The following GRIA1 variants were observed in gnomAD, a reference collection of about 807,000 sequenced individuals.
GRIA1 encodes glutamate ionotropic receptor AMPA type subunit 1.
A neutral mutation model predicts 99.2 loss-of-function variants in GRIA1; 31 were observed. The ratio of observed to expected loss-of-function variants is 0.31; its 90% CI spans 0.23 to 0.42. GRIA1 has a LOEUF of 0.42. Among genes scored for constraint, GRIA1 ranks in the 10% least tolerant of loss-of-function variants. The pLI, the probability that GRIA1 is intolerant of heterozygous loss-of-function variation, is 1.00. For synonymous variants in GRIA1, 438 were observed against 432.4 expected, an observed-to-expected ratio of 1.01 and a Z score of -0.16; for missense variants, 782 against 1,157.5, an observed-to-expected ratio of 0.68 and a Z score of 4.71.
Position 153,792,212 on chromosome 5 carries a change from G to A in GRIA1, c.2271-2409G>A, listed in dbSNP as rs188271687. ...GTTGGACCTGATTGTGAGATCATGA[G>A]CCCATCAATGTAGGATATAAATTCC... On this transcript the variant is annotated intron_variant, in intron 13 of 15. Coordinates refer to ENST00000285900, the MANE Select transcript of GRIA1 (RefSeq NM_000827.4). Among the ~76,000 whole-genome samples, 3 of 152,282 alleles carry A rather than the reference G, an allele frequency of 2.0e-5. No individual in the cohort carries two copies. The East Asian group carries it at 5.8e-4, about 29-fold the overall frequency.
At chr5:153,561,545 T>C (rs895606758) in intron 2 of GRIA1, among the ~76,000 whole-genome samples, 6 of 152,210 alleles carry the variant, frequency 3.9e-5, no homozygotes, top group Non-Finnish European at 8.8e-5. Context: ...ATGTAACTGC[T>C]AGTTACTATA....
At chr5:153,492,282 G>A in intron 1 of GRIA1, 2 of 1,535,418 alleles carry the variant, frequency 1.3e-6, no homozygotes, top group Non-Finnish European at 1.7e-6. Flanking sequence ...TTTGTTTCCT[G>A]ACACCTGTTA....
rs2149686596 is a variant in GRIA1, at chr5:153,813,616, A to G, written c.*2391A>G. On this transcript the variant is annotated 3_prime_UTR_variant, in exon 16 of 16. Coordinates refer to ENST00000285900, the MANE Select transcript of GRIA1 (RefSeq NM_000827.4). ...ATTGGGAAAACTCTGAAAGAGACTG[A>G]CATTTTTCTCAACAGGAATCCATAC... 1 of 152,362 alleles carries G rather than the reference A, an allele frequency of 6.6e-6. No homozygotes were observed. Among genetic ancestry groups the G allele is most frequent in the South Asian group, 2.1e-4 (1 of 4,830 alleles). 9.4% of individuals were successfully genotyped at this position (152,362 alleles called of 1,614,324 possible). A position where few individuals can be genotyped will look rare whatever the true frequency, so the allele number is the denominator to read the frequency against.
In GRIA1 at chr5:153,558,541, G is replaced by A. The variant is rs143751587; in HGVS notation, c.220+64476G>A. The stretch of plus-strand genomic sequence containing the variant: ...TTCACTTAGATTCATTTTGAGATCC[G>A]TTCACATTGTTGTGTGTATTAGTAG... On this transcript the variant is annotated intron_variant, in intron 2 of 15. Transcript: ENST00000285900. 1.2e-3 allele frequency among the ~76,000 whole-genome samples: 184 copies of A among 151,876 alleles called. 1 individual carries two copies. Among genetic ancestry groups the A allele is most frequent in the African/African-American group, 4.2e-3 (173 of 41,420 alleles).
chr5:153,695,442 G>A (rs140406373), intron 8 of GRIA1, among the ~76,000 whole-genome samples: 2,573 of 152,246 alleles, frequency 0.017, 34 homozygotes, highest in Non-Finnish European at 0.025. Context: ...GGATGAGGAA[G>A]CCAGAGCTCT....
At chr5:153,618,932 T>G (rs1436897031) in intron 2 of GRIA1, among the ~76,000 whole-genome samples, 1 of 152,176 alleles carries the variant, frequency 6.6e-6, no homozygotes, top group Non-Finnish European at 1.5e-5. Context: ...TTTAGCTGCT[T>G]ACAAGAGAAA....
intron 2 of GRIA1, among the ~76,000 whole-genome samples, chr5:153,571,823 T>C (rs1762141685): frequency 6.6e-6 from 1 of 152,210 alleles, no homozygotes; most frequent in African/African-American, 2.4e-5. Context: ...TAAAACATTA[T>C]ATTCCAAAGT....
intron 2 of GRIA1, among the ~76,000 whole-genome samples, chr5:153,604,112 C>A (rs1765243544): frequency 6.6e-6 from 1 of 151,830 alleles, no homozygotes; most frequent in Non-Finnish European, 1.5e-5. Context: ...TCTAAAATTT[C>A]TCCCTGGAGC....
Position 153,674,512 on chromosome 5 carries a change from A to C in GRIA1, c.712A>C (p.Ile238Leu). 6.2e-7 allele frequency: 1 copy of C among 1,614,128 alleles called. No homozygotes were observed. The highest frequency in any genetic ancestry group is 8.5e-7 in the Non-Finnish European group (1 of 1,179,992). ...CCCCCTCTCACAGGGCTTCATGGAC[A>C]TTGACTTAAACAAATTCAAGGAGAG... ...YILANLGFMD[I>L]DLNKFKESGA... The change falls in exon 6 of 16, where the codon ATT (isoleucine) becomes CTT (leucine). Residue 238 changes from isoleucine (I) to leucine (L), a missense_variant. This residue lies in a region of GRIA1 where 461 missense variants were observed against 521.7 expected (regional missense o/e 0.88). Coordinates refer to ENST00000285900, the MANE Select transcript of GRIA1 (RefSeq NM_000827.4).
intron 2 of GRIA1, among the ~76,000 whole-genome samples, chr5:153,638,248 A>G (rs376187094): frequency 2.0e-5 from 3 of 152,340 alleles, no homozygotes; most frequent in East Asian, 3.9e-4. Flanking sequence ...ACTCTATTCC[A>G]CAGTGTCTAG....
intron 2 of GRIA1, among the ~76,000 whole-genome samples, chr5:153,578,142 C>G (rs1246773942): frequency 1.4e-5 from 1 of 73,854 alleles, no homozygotes; most frequent in Non-Finnish European, 2.4e-5. Flanking sequence ...CAGAGAGAGA[C>G]TCTGTCAAAA....
chr5:153,617,382 C>T (rs890717269), intron 2 of GRIA1, among the ~76,000 whole-genome samples: 7 of 152,138 alleles, frequency 4.6e-5, no homozygotes, highest in African/African-American at 1.4e-4. Context: ...ATGAATCAGC[C>T]GTTTGGTTCC....
At chr5:153,691,434 T>G (rs1281247203) in intron 8 of GRIA1, among the ~76,000 whole-genome samples, 2 of 152,196 alleles carry the variant, frequency 1.3e-5, no homozygotes, top group African/African-American at 4.8e-5. Context: ...GGTGGAGGAA[T>G]CTACTTCTCA....
chr5:153,565,357 A>G (rs1198743768), intron 2 of GRIA1, among the ~76,000 whole-genome samples: 1 of 152,236 alleles, frequency 6.6e-6, no homozygotes, highest in African/African-American at 2.4e-5. Context: ...AAGTGCTTCA[A>G]TAAATCTGTG....
chr5:153,558,304 C>G (rs1325299661), intron 2 of GRIA1, among the ~76,000 whole-genome samples: 1 of 152,012 alleles, frequency 6.6e-6, no homozygotes, highest in Non-Finnish European at 1.5e-5. Context: ...TTTGACAAAC[C>G]TATATAGTCA....
chr5:153,760,454 G>A (rs995643337), intron 11 of GRIA1, among the ~76,000 whole-genome samples: 1 of 151,792 alleles, frequency 6.6e-6, no homozygotes. Context: ...ACACATCTAG[G>A]AGTAAATTTA....
intron 2 of GRIA1, among the ~76,000 whole-genome samples, chr5:153,609,361 C>T (rs1765755282): frequency 6.6e-6 from 1 of 152,028 alleles, no homozygotes; most frequent in Non-Finnish European, 1.5e-5. Flanking sequence ...GTCCAAATTA[C>T]ATAGTCTTTC....
At chr5:153,704,025 G>GA (rs1393689753) in intron 10 of GRIA1, among the ~76,000 whole-genome samples, 2 of 152,154 alleles carry the variant, frequency 1.3e-5, no homozygotes, top group South Asian at 4.1e-4. Context: ...GGTATTAGGG[G>GA]AAAAAACAGA....
At chr5:153,681,173 G>A (rs545743543) in intron 7 of GRIA1, among the ~76,000 whole-genome samples, 23 of 152,242 alleles carry the variant, frequency 1.5e-4, no homozygotes, top group East Asian at 3.9e-4. Flanking sequence ...GAGAAGGAGC[G>A]TGATAGATAA....
Sources: gnomAD v4.1 joint callset for allele counts (sites outside exome capture counted in the v4.1 genomes callset) on GRCh38, gnomAD v4.1.1 for gene constraint, gnomAD v4.1.1 regional missense constraint, MANE v1.5 for transcripts, NCBI Gene and HGNC (gene_info 2026-07-23, HGNC 2026-07-21) for gene names.